The following GRM1 variants were observed in gnomAD, a reference collection of about 807,000 sequenced individuals.
GRM1 encodes glutamate metabotropic receptor 1, also known as metabotropic glutamate receptor 1.
In GRM1, 33 loss-of-function variants were observed where a neutral mutation model predicts 90.9. The ratio of observed to expected loss-of-function variants is 0.36; its 90% CI spans 0.28 to 0.49. The LOEUF is 0.49. Ranked by LOEUF, GRM1 falls within the 20% of genes least tolerant of loss-of-function variation. The pLI is 0.99. For synonymous variants in GRM1, 700 were observed against 613.2 expected (o/e 1.14, Z -2.09); for missense variants, 1,190 against 1,534.3 (o/e 0.78, Z 3.75).
At chr6:146,075,250 G>A (rs1386439098) in intron 1 of GRM1, among the ~76,000 whole-genome samples, 1 of 152,138 alleles carries the variant, frequency 6.6e-6, no homozygotes, top group Non-Finnish European at 1.5e-5. Flanking sequence ...AGAAAGCCCA[G>A]TGTTACACTC....
At chr6:146,143,719 G>T (rs1776984156) in intron 1 of GRM1, among the ~76,000 whole-genome samples, 2 of 152,038 alleles carry the variant, frequency 1.3e-5, no homozygotes, top group South Asian at 4.1e-4. Context: ...AAAAGCTGTT[G>T]AAAAAAATCT....
At chr6:146,072,263 G>A (rs1003410031) in intron 1 of GRM1, among the ~76,000 whole-genome samples, 34 of 152,176 alleles carry the variant, frequency 2.2e-4, no homozygotes, top group African/African-American at 8.2e-4. Flanking sequence ...TAATTGACCT[G>A]CTCAGATACT....
Position 146,029,413 on chromosome 6 carries a change from T to G in GRM1, c.-105T>G. ...GACCATTGTTGGCGAGGGGCACCAC[T>G]CCGGGAGAGGCGGCGCTGGGCGTCT... On this transcript the variant is annotated 5_prime_UTR_variant, in exon 1 of 8. Coordinates refer to ENST00000282753, the MANE Select transcript of GRM1 (RefSeq NM_001278064.2). 2 of 904,016 alleles carry G rather than the reference T, an allele frequency of 2.2e-6. No individual in the cohort carries two copies. Among genetic ancestry groups the G allele is most frequent in the South Asian group, 2.6e-5 (2 of 76,076 alleles). The allele number at this position is 904,016 out of a possible 1,614,324, so 56.0% of individuals were successfully genotyped here.
chr6:146,186,679 G>GT (rs1283191222), intron 2 of GRM1, among the ~76,000 whole-genome samples: 2 of 151,954 alleles, frequency 1.3e-5, no homozygotes, highest in Non-Finnish European at 2.9e-5. Flanking sequence ...ACAGATCATA[G>GT]TTTTTTTTGT....
rs1778632441 is a variant in GRM1 at position 146,437,598 on chromosome 6, T to C, written c.*2802T>C. 6.6e-6 allele frequency: 1 copy of C among 152,656 alleles called. No homozygotes were observed. Among genetic ancestry groups the C allele is most frequent in the South Asian group, 2.1e-4 (1 of 4,830 alleles). The allele number at this position is 152,656 out of a possible 1,614,324, so 9.5% of individuals were successfully genotyped here. The stretch of plus-strand genomic sequence containing the variant: ...TGTATAATAAATATTTTCTATTTAT[T>C]AAATGTGTATGTTCTTTCTCTATAG... On this transcript the variant is annotated 3_prime_UTR_variant, in exon 8 of 8. Coordinates refer to ENST00000282753, the MANE Select transcript of GRM1 (RefSeq NM_001278064.2).
intron 1 of GRM1, among the ~76,000 whole-genome samples, chr6:146,048,066 A>G (rs1182748565): frequency 6.6e-6 from 1 of 152,020 alleles, no homozygotes; most frequent in Non-Finnish European, 1.5e-5. Flanking sequence ...AAGGCATAGA[A>G]AACAAGGAAC....
At chr6:146,083,986 A>T (rs1421084261) in intron 1 of GRM1, among the ~76,000 whole-genome samples, 2 of 152,162 alleles carry the variant, frequency 1.3e-5, no homozygotes, top group Non-Finnish European at 2.9e-5. Context: ...CCAGGAATTT[A>T]TCCATTTCTT....
intron 7 of GRM1, among the ~76,000 whole-genome samples, chr6:146,429,012 C>G (rs116196324): frequency 7.7e-4 from 117 of 152,136 alleles, no homozygotes; most frequent in African/African-American, 2.7e-3. Flanking sequence ...TTAATAAGGG[C>G]AAACTGATTT....
chr6:146,197,270 A>T (rs1779154274), intron 2 of GRM1, among the ~76,000 whole-genome samples: 2 of 152,352 alleles, frequency 1.3e-5, no homozygotes, highest in South Asian at 4.1e-4. Context: ...TTATTGAAAA[A>T]AGGATCCAAG....
At chr6:146,411,184 T>C (rs899374177) in intron 7 of GRM1, among the ~76,000 whole-genome samples, 5 of 152,148 alleles carry the variant, frequency 3.3e-5, no homozygotes, top group African/African-American at 9.7e-5. Context: ...GGAGTGTTAT[T>C]AGAAGTCTCC....
chr6:146,398,695 T>C (rs1777053879), intron 6 of GRM1, 74 bp from the exon 7 acceptor site: 1 of 985,534 alleles, frequency 1.0e-6, no homozygotes, highest in South Asian at 1.3e-5. Context: ...ACTGTGTCTC[T>C]GGTAATTAAT....
rs757522980 is a variant in GRM1, at chr6:146,386,977, G to A, written c.1690G>A (p.Ala564Thr). ...EYVQDEFTCK[A>T]CDLGWWPNAD... The stretch of plus-strand genomic sequence containing the variant: ...TGTGCAAGATGAGTTCACCTGCAAA[G>A]CTTGTGACTTGGGATGGTGGCCCAA... Residue 564 changes from alanine to threonine, a missense_variant, in exon 6 of 8, where the codon GCT (alanine) becomes ACT (threonine). Physicochemically the swap from Ala to Thr is moderately conservative, Grantham distance 58. This residue lies in a region of GRM1 where 414 missense variants were observed against 598.4 expected (regional missense o/e 0.69). Transcript: ENST00000282753. 5 of 1,613,218 alleles carry A rather than the reference G, an allele frequency of 3.1e-6. No homozygotes were observed. The highest frequency in any genetic ancestry group is 4.2e-6 in the Non-Finnish European group (5 of 1,179,310).
intron 1 of GRM1, among the ~76,000 whole-genome samples, chr6:146,042,940 G>C (rs1478361950): frequency 2.6e-5 from 4 of 151,984 alleles, no homozygotes; most frequent in African/African-American, 9.7e-5. Flanking sequence ...CAAAGGGCCA[G>C]ATAAGAGAAC....
intron 1 of GRM1, among the ~76,000 whole-genome samples, chr6:146,077,029 A>G (rs147714007): frequency 7.7e-4 from 118 of 152,338 alleles, no homozygotes; most frequent in African/African-American, 2.7e-3. Context: ...AAGGCAGTGG[A>G]TGACAGAGAC....
intron 2 of GRM1, among the ~76,000 whole-genome samples, chr6:146,178,297 T>G (rs187958371): frequency 2.6e-3 from 392 of 152,304 alleles, no homozygotes; most frequent in Admixed American, 4.9e-3. Context: ...ATTAGTAGAC[T>G]GGTGTTATGG....
intron 3 of GRM1, among the ~76,000 whole-genome samples, chr6:146,349,647 T>A (rs1020679469): frequency 2.0e-5 from 3 of 152,186 alleles, no homozygotes; most frequent in African/African-American, 7.2e-5. Flanking sequence ...AAATTTTCTA[T>A]AGCCTTTTAC....
intron 5 of GRM1, among the ~76,000 whole-genome samples, chr6:146,363,976 G>T (rs138234774): frequency 1.3e-5 from 2 of 152,206 alleles, no homozygotes; most frequent in African/African-American, 4.8e-5. Flanking sequence ...GCCTAAAAAG[G>T]CAGGGGAAAA....
At chr6:146,250,760 C>A (rs1781241218) in intron 2 of GRM1, among the ~76,000 whole-genome samples, 1 of 152,142 alleles carries the variant, frequency 6.6e-6, no homozygotes, top group African/African-American at 2.4e-5. Flanking sequence ...GGTCCCAGAG[C>A]CCATTCTATT....
At chr6:146,073,625 A>G (rs1776087740) in intron 1 of GRM1, among the ~76,000 whole-genome samples, 1 of 152,220 alleles carries the variant, frequency 6.6e-6, no homozygotes, top group South Asian at 2.1e-4. Flanking sequence ...AGTGTCATCA[A>G]AATCCAAGTG....
Sources: gnomAD v4.1 joint callset for allele counts (sites outside exome capture counted in the v4.1 genomes callset) on GRCh38, gnomAD v4.1.1 for gene constraint, gnomAD v4.1.1 regional missense constraint, MANE v1.5 for transcripts, NCBI Gene and HGNC (gene_info 2026-07-23, HGNC 2026-07-21) for gene names.